The following STEAP1B variants were observed in gnomAD, a reference collection of about 807,000 sequenced individuals.
STEAP1B encodes STEAP family protein MGC87042.
Under a neutral mutation model 27.9 loss-of-function variants are expected in STEAP1B, and 13 were observed. The ratio of observed to expected loss-of-function variants is 0.47; its 90% CI spans 0.30 to 0.74. STEAP1B has a LOEUF of 0.74. Among genes scored for constraint, STEAP1B ranks in the 30% least tolerant of loss-of-function variants. The pLI is 0.06. For missense variants in STEAP1B, 250 were observed against 298.7 expected, an observed-to-expected ratio of 0.84 and a Z score of 1.20; for synonymous variants, 86 against 107.1, an observed-to-expected ratio of 0.80 and a Z score of 1.22.
At chr7:22,468,568 T>G (rs1472058187) in intron 4 of STEAP1B, among the ~76,000 whole-genome samples, 2 of 152,210 alleles carry the variant, frequency 1.3e-5, no homozygotes, top group East Asian at 1.9e-4. Context: ...TGGAAGTGTT[T>G]TGATTTGATA....
intron 4 of STEAP1B, among the ~76,000 whole-genome samples, chr7:22,467,278 T>G (rs189195806): frequency 8.5e-5 from 13 of 152,138 alleles, no homozygotes; most frequent in Admixed American, 8.5e-4. Context: ...GGAAAAGATA[T>G]CAGTTTCTTA....
intron 4 of STEAP1B, among the ~76,000 whole-genome samples, chr7:22,459,766 C>A (rs1376257754): frequency 1.3e-5 from 2 of 152,184 alleles, no homozygotes; most frequent in Admixed American, 1.3e-4. Flanking sequence ...TCCATCCTTA[C>A]CCCCGTTATG....
chr7:22,428,838 C>A (rs973267266), intron 4 of STEAP1B, among the ~76,000 whole-genome samples: 2 of 151,958 alleles, frequency 1.3e-5, no homozygotes, highest in African/African-American at 4.8e-5. Flanking sequence ...ATACATATGA[C>A]TAAGGTGAGT....
At chr7:22,443,588 A>G (rs189194582) in intron 4 of STEAP1B, among the ~76,000 whole-genome samples, 2 of 152,308 alleles carry the variant, frequency 1.3e-5, no homozygotes, top group Admixed American at 1.3e-4. Context: ...CCAGACCACA[A>G]AGATCTCCAA....
At chr7:22,464,479 G>A (rs1785737296) in intron 4 of STEAP1B, among the ~76,000 whole-genome samples, 1 of 152,120 alleles carries the variant, frequency 6.6e-6, no homozygotes, top group South Asian at 2.1e-4. Context: ...AGGTGTTAAG[G>A]GCTGACTTGT....
At chr7:22,483,819 A>G (rs1472311319) in intron 4 of STEAP1B, among the ~76,000 whole-genome samples, 2 of 152,174 alleles carry the variant, frequency 1.3e-5, no homozygotes, top group Non-Finnish European at 2.9e-5. Flanking sequence ...TCGGTGGAGC[A>G]GTCAGAACAA....
chr7:22,464,123 C>G (rs28449173), intron 4 of STEAP1B, among the ~76,000 whole-genome samples: 72 of 152,232 alleles, frequency 4.7e-4, no homozygotes, highest in African/African-American at 1.5e-3. Context: ...ATTCAGCTGA[C>G]AGTGTTGTTC....
intron 1 of STEAP1B, among the ~76,000 whole-genome samples, chr7:22,495,833 C>T (rs1332696798): frequency 6.6e-5 from 10 of 152,106 alleles, no homozygotes; most frequent in Non-Finnish European, 1.3e-4. Flanking sequence ...TTTTGGTCAA[C>T]GACTGACTGC....
intron 4 of STEAP1B, among the ~76,000 whole-genome samples, chr7:22,456,969 TA>T (rs1388597693): frequency 0.024 from 1,015 of 42,636 alleles, 88 homozygotes; most frequent in Admixed American, 0.078. Flanking sequence ...TATATATATA[TA>T]TATTTTTTTT....
At chr7:22,474,124 G>A (rs1032578282) in intron 4 of STEAP1B, among the ~76,000 whole-genome samples, 7 of 152,114 alleles carry the variant, frequency 4.6e-5, no homozygotes, top group Non-Finnish European at 1.0e-4. Context: ...TGAAGGGAAA[G>A]AAATAAATAT....
intron 4 of STEAP1B, among the ~76,000 whole-genome samples, chr7:22,446,070 C>A (rs935632755): frequency 6.6e-6 from 1 of 152,228 alleles, no homozygotes; most frequent in Admixed American, 6.5e-5. Context: ...TAATGGTCAA[C>A]TGTAAATGCA....
At chr7:22,462,585 TA>T (rs1785698051) in intron 4 of STEAP1B, among the ~76,000 whole-genome samples, 1 of 141,998 alleles carries the variant, frequency 7.0e-6, no homozygotes, top group African/African-American at 2.7e-5. Flanking sequence ...GGTGGCATAG[TA>T]TTCCATGGTG....
At chr7:22,474,696 G>A (rs749748971) in intron 4 of STEAP1B, among the ~76,000 whole-genome samples, 4 of 152,198 alleles carry the variant, frequency 2.6e-5, no homozygotes, top group Non-Finnish European at 5.9e-5. Flanking sequence ...AGTTCCTGTA[G>A]CCATGAGTTC....
intron 4 of STEAP1B, among the ~76,000 whole-genome samples, chr7:22,462,371 T>TCCCTCCC (rs1440206218): frequency 8.9e-6 from 1 of 112,514 alleles, no homozygotes; most frequent in Non-Finnish European, 1.8e-5. Flanking sequence ...ACCAATGCTA[T>TCCCTCCC]CCCTCCCCCC....
chr7:22,487,804 CA>C (rs200447382), intron 4 of STEAP1B, among the ~76,000 whole-genome samples: 2,439 of 81,192 alleles, frequency 0.03, 23 homozygotes, highest in East Asian at 0.11. Flanking sequence ...AAACTCCACC[CA>C]AAAAAAAAAA....
chr7:22,462,244 A>C (rs950424637), intron 4 of STEAP1B, among the ~76,000 whole-genome samples: 2 of 151,736 alleles, frequency 1.3e-5, no homozygotes, highest in Non-Finnish European at 2.9e-5. Flanking sequence ...ATTAATTATT[A>C]TTATACTTTA....
chr7:22,427,909 T>C (rs550306658), intron 4 of STEAP1B, among the ~76,000 whole-genome samples: 1 of 152,344 alleles, frequency 6.6e-6, no homozygotes, highest in East Asian at 1.9e-4. Context: ...AAGCCATGCA[T>C]GTTACTGCAA....
intron 4 of STEAP1B, among the ~76,000 whole-genome samples, chr7:22,477,732 T>G (rs900577558): frequency 6.8e-6 from 1 of 146,500 alleles, no homozygotes; most frequent in Admixed American, 6.8e-5. Context: ...CAACAAGAGG[T>G]TTTTTTTTTT....
At chr7:22,456,754 G>A (rs1333219775) in intron 4 of STEAP1B, among the ~76,000 whole-genome samples, 1 of 151,498 alleles carries the variant, frequency 6.6e-6, no homozygotes, top group Non-Finnish European at 1.5e-5. Flanking sequence ...AGAAAAGAGA[G>A]TCTGGTTTAG....
Sources: gnomAD v4.1 joint callset for allele counts (sites outside exome capture counted in the v4.1 genomes callset) on GRCh38, gnomAD v4.1.1 for gene constraint, MANE v1.5 for transcripts, NCBI Gene and HGNC (gene_info 2026-07-23, HGNC 2026-07-21) for gene names.